The following FBXO11 variants were observed in gnomAD, a reference collection of about 807,000 sequenced individuals.
FBXO11 encodes F-box only protein 11.
Under a neutral mutation model 117.0 loss-of-function variants are expected in FBXO11, and 13 were observed. That is an observed-to-expected ratio of 0.11 (90% confidence interval 0.07 to 0.18). FBXO11 has a LOEUF of 0.18. FBXO11 is among the 10% of genes least tolerant of loss of function. The pLI is 1.00. For synonymous variants in FBXO11, 490 were observed against 380.5 expected (o/e 1.29, Z -3.35); for missense variants, 767 against 1,164.4 (o/e 0.66, Z 4.97).
intron 16 of FBXO11, chr2:47,814,442 G>T (rs1025535594): frequency 1.4e-5 from 2 of 143,298 alleles, no homozygotes; most frequent in Non-Finnish European, 3.0e-5. Context: ...GCAGTGGCAT[G>T]ATCATAGCTC....
chr2:47,844,852 G>C (rs1048099853), intron 1 of FBXO11, among the ~76,000 whole-genome samples: 4 of 152,064 alleles, frequency 2.6e-5, no homozygotes, highest in African/African-American at 9.7e-5. Context: ...CCAAGGATGG[G>C]TCTCAAACTC....
At position 47,839,483 on chromosome 2, in the gene FBXO11, A is replaced by G. The variant is rs762060223; in HGVS notation, c.378T>C (p.Thr126=). 6.2e-7 allele frequency: 1 copy of G among 1,613,956 alleles called. No homozygotes were observed. Residue 126 remains threonine, a synonymous_variant, in exon 3 of 23, where the codon ACT becomes ACC. Transcript: ENST00000403359. ...KNSMEGASTS[T]TENFGHRAKR... ...TTGCACGATGACCAAAGTTTTCTGT[A>G]GTTGAAGTTGAGGCGCCCTTCAAAA...
At chr2:47,860,336 C>T (rs149238202) in intron 1 of FBXO11, among the ~76,000 whole-genome samples, 1 of 151,888 alleles carries the variant, frequency 6.6e-6, no homozygotes, top group East Asian at 1.9e-4. Flanking sequence ...TTTCACATGG[C>T]TAGCTAATAA....
intron 19 of FBXO11, 134 bp downstream of exon 19, chr2:47,810,182 G>C (rs1349502422): frequency 6.7e-6 from 4 of 594,666 alleles, no homozygotes; most frequent in Non-Finnish European, 1.2e-5. Flanking sequence ...TCTTGTAAGT[G>C]AATGAACAGG....
chr2:47,854,074 G>A (rs1674085663), intron 1 of FBXO11, among the ~76,000 whole-genome samples: 2 of 152,146 alleles, frequency 1.3e-5, no homozygotes, highest in Admixed American at 1.3e-4. Context: ...AATCCTGCCA[G>A]TTTCAAAGTA....
chr2:47,857,431 T>C (rs1336771802), intron 1 of FBXO11, among the ~76,000 whole-genome samples: 2 of 152,138 alleles, frequency 1.3e-5, no homozygotes, highest in Non-Finnish European at 2.9e-5. Flanking sequence ...AGAAATTTTA[T>C]GGTCTCATAC....
At chr2:47,836,345 T>C (rs1672559680) in intron 4 of FBXO11, among the ~76,000 whole-genome samples, 1 of 152,190 alleles carries the variant, frequency 6.6e-6, no homozygotes, top group Admixed American at 6.5e-5. Flanking sequence ...ATTTTCAGTG[T>C]AGTTGCATAT....
intron 1 of FBXO11, among the ~76,000 whole-genome samples, chr2:47,868,006 A>C (rs1675326397): frequency 6.6e-6 from 1 of 152,192 alleles, no homozygotes; most frequent in African/African-American, 2.4e-5. Flanking sequence ...AGGTAAAGAA[A>C]GTGAGTGAAG....
At chr2:47,878,357 CT>C (rs372609853) in intron 1 of FBXO11, among the ~76,000 whole-genome samples, 5 of 148,740 alleles carry the variant, frequency 3.4e-5, no homozygotes, top group Admixed American at 6.7e-5. Context: ...GCCTTTTGTT[CT>C]TTTTTTTTTC....
intron 1 of FBXO11, chr2:47,905,218 T>A (rs949801250): frequency 4.4e-6 from 1 of 225,534 alleles, no homozygotes; most frequent in Non-Finnish European, 8.5e-6. Context: ...GCCAAAGGGA[T>A]GGGTGGGGGT....
intron 1 of FBXO11, among the ~76,000 whole-genome samples, chr2:47,895,995 A>G (rs944008400): frequency 1.3e-5 from 2 of 152,158 alleles, no homozygotes; most frequent in Non-Finnish European, 2.9e-5. Flanking sequence ...ATGCCCAGCC[A>G]TAACTATATA....
intron 17 of FBXO11, 50 bp downstream of exon 17, chr2:47,813,741 G>A (rs1289257501): frequency 6.8e-7 from 1 of 1,472,200 alleles, no homozygotes; most frequent in Non-Finnish European, 9.4e-7. Context: ...CCTAGAAGGT[G>A]TATTTCTAAA....
chr2:47,819,851 T>C (rs985055911), intron 14 of FBXO11, among the ~76,000 whole-genome samples: 1 of 152,200 alleles, frequency 6.6e-6, no homozygotes, highest in Non-Finnish European at 1.5e-5. Flanking sequence ...CATAAGGACC[T>C]TTTTGAAATT....
intron 1 of FBXO11, among the ~76,000 whole-genome samples, chr2:47,847,644 A>T (rs1673521082): frequency 6.6e-6 from 1 of 151,826 alleles, no homozygotes; most frequent in Admixed American, 6.6e-5. Context: ...AGGAGGTTGC[A>T]GTAAGCCAAG....
chr2:47,872,480 T>A (rs553813636), intron 1 of FBXO11, among the ~76,000 whole-genome samples: 2 of 152,114 alleles, frequency 1.3e-5, no homozygotes, highest in East Asian at 3.9e-4. Flanking sequence ...TGCGCCACCA[T>A]GCCTGCCTAA....
At chr2:47,883,215 G>C (rs931765493) in intron 1 of FBXO11, among the ~76,000 whole-genome samples, 1 of 152,016 alleles carries the variant, frequency 6.6e-6, no homozygotes, top group Non-Finnish European at 1.5e-5. Context: ...TTTATTTTGC[G>C]TAACAGAATA....
chr2:47,862,324 T>C (rs1438364275), intron 1 of FBXO11, among the ~76,000 whole-genome samples: 3 of 152,110 alleles, frequency 2.0e-5, no homozygotes, highest in African/African-American at 7.2e-5. Context: ...ATAACCAGGG[T>C]TGAAAGCCAT....
chr2:47,859,041 C>CAAAAAAAAAAAAAAAAAAAAA (rs11337552), intron 1 of FBXO11, among the ~76,000 whole-genome samples: 1 of 103,178 alleles, frequency 9.7e-6, no homozygotes, highest in Non-Finnish European at 2.0e-5. Context: ...ACTCTGTCTC[C>CAAAAAAAAAAAAAAAAAAAAA]AAAAAAAAAA....
At chr2:47,834,546 T>C (rs780871810) in intron 7 of FBXO11, 33 bp downstream of exon 7, 12 of 1,487,224 alleles carry the variant, frequency 8.1e-6, no homozygotes, top group African/African-American at 7.1e-5. Flanking sequence ...GAGTAAAATA[T>C]TAAAATTTTA....
Sources: gnomAD v4.1 joint callset for allele counts (sites outside exome capture counted in the v4.1 genomes callset) on GRCh38, gnomAD v4.1.1 for gene constraint, MANE v1.5 for transcripts, NCBI Gene and HGNC (gene_info 2026-07-23, HGNC 2026-07-21) for gene names.